ANKAR: variants seen among roughly 807,000 people sequenced by gnomAD.
The protein encoded by ANKAR is ankyrin and armadillo repeat containing, also known as ankyrin and armadillo repeat-containing protein.
In ANKAR, 136 loss-of-function variants were observed where a neutral mutation model predicts 146.2. The ratio of observed to expected loss-of-function variants is 0.93; its 90% CI spans 0.81 to 1.07. The LOEUF (loss-of-function observed/expected upper bound fraction) is 1.07. Among genes scored for constraint, ANKAR ranks in the 50% least tolerant of loss-of-function variants. The probability of loss-of-function intolerance (pLI) is 0.00; values close to 1 mark genes in which losing one functional copy is unlikely to be tolerated. For missense variants in ANKAR, 1,567 were observed against 1,679.9 expected (o/e 0.93, Z 1.18); for synonymous variants, 500 against 575.8 (o/e 0.87, Z 1.88).
chr2:189,691,149 G>A (rs4666781), intron 3 of ANKAR, among the ~76,000 whole-genome samples: 33,621 of 151,968 alleles, frequency 0.22, 3,935 homozygotes, highest in African/African-American at 0.28. Flanking sequence ...TCCACCTCCC[G>A]GGTTCAAGCG....
intron 20 of ANKAR, 62 bp downstream of exon 20, chr2:189,741,513 C>A: frequency 8.2e-7 from 1 of 1,222,574 alleles, no homozygotes; most frequent in South Asian, 1.4e-5. Flanking sequence ...TTACCTCTCC[C>A]TCTGTGGACT....
At chr2:189,728,872 A>T in intron 15 of ANKAR, 51 bp downstream of exon 15, 2 of 1,550,098 alleles carry the variant, frequency 1.3e-6, no homozygotes, top group Non-Finnish European at 1.8e-6. Flanking sequence ...ACAAGAACAG[A>T]TTGCGCAGAG....
At chr2:189,731,264 CA>C (rs1168302251) in intron 16 of ANKAR, among the ~76,000 whole-genome samples, 1 of 150,510 alleles carries the variant, frequency 6.6e-6, no homozygotes, top group Non-Finnish European at 1.5e-5. Context: ...ATTATAACAT[CA>C]AAAAAAATTT....
At position 189,689,781 on chromosome 2, in the gene ANKAR, C is replaced by G. The variant is rs1559065706; in HGVS notation, c.856C>G (p.Gln286Glu). Residue 286 changes from glutamine to glutamate, a missense_variant, in exon 3 of 23, where the codon CAG becomes GAG. Physicochemically the swap from Gln to Glu is conservative, Grantham distance 29 (BLOSUM62 2). Coordinates refer to ENST00000684021, the MANE Select transcript of ANKAR (RefSeq NM_001378068.1). ...GGATTATCTTGATATCTGTACCTAC[C>G]AGAGACTACAGCAAAGATTATATCT... ...NQDYLDICTYQRLQQRLYLQK... is the reference protein window; with the variant it reads ...NQDYLDICTYERLQQRLYLQK... 1.9e-6 allele frequency: 3 copies of G among 1,610,222 alleles called. No homozygotes were observed. Among genetic ancestry groups the G allele is most frequent in the Middle Eastern group, 1.7e-4 (1 of 6,040 alleles).
chr2:189,721,570 C>A (rs1007575407), intron 12 of ANKAR, among the ~76,000 whole-genome samples: 1 of 152,048 alleles, frequency 6.6e-6, no homozygotes, highest in Non-Finnish European at 1.5e-5. Flanking sequence ...AGCATTAGGC[C>A]AATTATCAGT....
chr2:189,676,966 A>G lies in ANKAR; in HGVS notation c.476A>G (p.His159Arg), dbSNP rs144553713. The change falls in exon 2 of 23, where the codon CAT becomes CGT. Residue 159 changes from histidine (H) to arginine (R), a missense_variant. Transcript: ENST00000684021. Reference protein sequence around the residue: ...NIDYMLKALWHGIYMPKEKRA... With the variant: ...NIDYMLKALWRGIYMPKEKRA... Reference sequence around the variant, plus strand: ...GACTACATGCTGAAAGCACTATGGCATGGAATATATATGCCCAAAGAAAAA... The same window carrying G: ...GACTACATGCTGAAAGCACTATGGCGTGGAATATATATGCCCAAAGAAAAA... 3 of 1,613,940 alleles carry G rather than the reference A, an allele frequency of 1.9e-6. No homozygotes were observed. Among genetic ancestry groups the G allele is most frequent in the African/African-American group, 2.7e-5 (2 of 74,942 alleles).
intron 20 of ANKAR, among the ~76,000 whole-genome samples, chr2:189,741,953 A>T (rs1363169271): frequency 6.6e-6 from 1 of 152,204 alleles, no homozygotes; most frequent in Non-Finnish European, 1.5e-5. Context: ...CTCTGATCTA[A>T]GTTATTTCTA....
chr2:189,752,948 T>C (rs778801660), intron 18 of ANKAR: 4 of 1,612,842 alleles, frequency 2.5e-6, no homozygotes, highest in Middle Eastern at 1.6e-4. Flanking sequence ...TCTGCGGATA[T>C]AGAAGTTACT....
In ANKAR at chr2:189,689,702, T is replaced by G. The variant is rs1379590947; in HGVS notation, c.777T>G (p.Asn259Lys). The part of the protein sequence containing the change: ...FSTTQIQQYE[N>K]VFIFETGYWL... ...CCACACAAATTCAACAGTATGAAAA[T>G]GTCTTTATATTTGAAACAGGCTATT... is the stretch of plus-strand genomic sequence containing the variant. Residue 259 changes from asparagine (N) to lysine (K), a missense_variant, in exon 3 of 23, where the codon AAT becomes AAG. Physicochemically the swap from Asn to Lys is moderately conservative, Grantham distance 94. Coordinates refer to ENST00000684021, the MANE Select transcript of ANKAR (RefSeq NM_001378068.1). 11 of 1,613,458 alleles carry G rather than the reference T, an allele frequency of 6.8e-6. No individual in the cohort carries two copies. The East Asian group carries it at 2.5e-4, about 36-fold the overall frequency.
At chr2:189,741,832 A>T (rs1009831610) in intron 20 of ANKAR, among the ~76,000 whole-genome samples, 3 of 152,204 alleles carry the variant, frequency 2.0e-5, no homozygotes, top group African/African-American at 7.2e-5. Flanking sequence ...AACAAAAACA[A>T]AACCCTACAA....
downstream of ANKAR, among the ~76,000 whole-genome samples, chr2:189,750,152 T>C (rs1042987095): frequency 1.3e-5 from 2 of 152,104 alleles, no homozygotes; most frequent in Admixed American, 6.6e-5. Flanking sequence ...AAAAAAAAAT[T>C]AAACTGCTCT....
At position 189,719,713 on chromosome 2, in the gene ANKAR, T is replaced by C; in HGVS notation, c.2366T>C (p.Ile789Thr). 1 of 1,614,156 alleles carries C rather than the reference T, an allele frequency of 6.2e-7. No individual in the cohort carries two copies. The highest frequency in any genetic ancestry group is 8.5e-7 in the Non-Finnish European group (1 of 1,180,000). ...GAAGCGGGAGGCATTCCATCTCTAA[T>C]CAACCTACTGGTTTGTGATGAGCCT... ...LVEAGGIPSL[I>T]NLLVCDEPEV... The change falls in exon 11 of 23, where the codon ATC becomes ACC. Residue 789 changes from isoleucine to threonine, a missense_variant. Coordinates refer to ENST00000684021, the MANE Select transcript of ANKAR (RefSeq NM_001378068.1).
At chr2:189,745,061 C>T (rs2164832) in intron 22 of ANKAR, among the ~76,000 whole-genome samples, 87,252 of 127,266 alleles carry the variant, frequency 0.69, 29,520 homozygotes, top group South Asian at 0.79. Context: ...CATGGTGGCG[C>T]GTGCCTGTAA....
intron 7 of ANKAR, among the ~76,000 whole-genome samples, chr2:189,702,109 T>G (rs1019624308): frequency 2.0e-5 from 3 of 152,098 alleles, no homozygotes; most frequent in African/African-American, 7.2e-5. Flanking sequence ...TTCCCTTGCC[T>G]AGGTAGGTTA....
chr2:189,710,901 C>T, intron 9 of ANKAR, 148 bp from the exon 10 acceptor site: 1 of 629,998 alleles, frequency 1.6e-6, no homozygotes, highest in Non-Finnish European at 2.9e-6. Context: ...GGGAGCTGTG[C>T]ACAGAGGGGA....
chr2:189,697,052 G>A (rs2037319616), intron 7 of ANKAR, among the ~76,000 whole-genome samples: 1 of 152,014 alleles, frequency 6.6e-6, no homozygotes, highest in Non-Finnish European at 1.5e-5. Flanking sequence ...AAACAGAGTT[G>A]AAAATGAAAT....
chr2:189,725,563 C>T (rs1177580178), intron 12 of ANKAR, among the ~76,000 whole-genome samples: 2 of 152,122 alleles, frequency 1.3e-5, no homozygotes, highest in Admixed American at 6.6e-5. Flanking sequence ...CAAGGACAAC[C>T]TGAAGGGGCT....
chr2:189,727,456 G>T (rs187602015), intron 12 of ANKAR, among the ~76,000 whole-genome samples: 1 of 133,020 alleles, frequency 7.5e-6, no homozygotes, highest in East Asian at 2.5e-4. Flanking sequence ...GATGGTGGAG[G>T]TTGTAGTGAG....
At chr2:189,684,006 A>G (rs1282036856) in intron 2 of ANKAR, among the ~76,000 whole-genome samples, 1 of 152,198 alleles carries the variant, frequency 6.6e-6, no homozygotes, top group African/African-American at 2.4e-5. Flanking sequence ...CATGTTACCC[A>G]GTTTTCTCAG....
Sources: allele counts gnomAD v4.1 joint callset (sites outside exome capture counted in the v4.1 genomes callset), GRCh38; gene constraint gnomAD v4.1.1; transcripts MANE v1.5; gene names NCBI Gene and HGNC (gene_info 2026-07-23, HGNC 2026-07-21).